The following PPME1 variants were observed in gnomAD, a reference collection of about 807,000 sequenced individuals.
PPME1 encodes protein phosphatase methylesterase 1.
PPME1 carries 17 observed loss-of-function variants against 56.9 expected under a neutral mutation model. That is an observed-to-expected ratio of 0.30 (90% CI 0.20 to 0.45). The LOEUF (loss-of-function observed/expected upper bound fraction) is 0.45, where lower values mean the gene tolerates loss of function less well. PPME1 is among the 20% of genes least tolerant of loss of function. The pLI is 1.00. For missense variants in PPME1, 357 were observed against 483.2 expected (o/e 0.74, Z 2.45); for synonymous variants, 122 against 156.2 (o/e 0.78, Z 1.63).
intron 1 of PPME1, among the ~76,000 whole-genome samples, chr11:74,182,300 T>C (rs1042927382): frequency 6.6e-6 from 1 of 152,212 alleles, no homozygotes; most frequent in African/African-American, 2.4e-5. Flanking sequence ...AACTGTCTAA[T>C]GGAAACTTAC....
chr11:74,253,287 G>A (rs1302143241), intron 13 of PPME1, among the ~76,000 whole-genome samples: 1 of 152,162 alleles, frequency 6.6e-6, no homozygotes, highest in Non-Finnish European at 1.5e-5. Context: ...TTTGGCTGGG[G>A]CCCTTCGACC....
chr11:74,192,692 C>T (rs561755971), intron 1 of PPME1, among the ~76,000 whole-genome samples: 1 of 152,064 alleles, frequency 6.6e-6, no homozygotes, highest in African/African-American at 2.4e-5. Context: ...TGAGTGAGTT[C>T]TTGCCCTGAG....
intron 1 of PPME1, among the ~76,000 whole-genome samples, chr11:74,186,049 C>T (rs533102272): frequency 6.6e-5 from 10 of 152,260 alleles, no homozygotes; most frequent in African/African-American, 2.2e-4. Flanking sequence ...TTTTTGGATT[C>T]CACGATGCTC....
chr11:74,244,755 T>A (rs781339554), intron 9 of PPME1, among the ~76,000 whole-genome samples: 2 of 152,194 alleles, frequency 1.3e-5, no homozygotes, highest in Non-Finnish European at 2.9e-5. Context: ...GTTCACTGCT[T>A]TTTGGTGTCA....
chr11:74,237,229 G>C (rs1335571372), intron 8 of PPME1, among the ~76,000 whole-genome samples: 2 of 151,324 alleles, frequency 1.3e-5, no homozygotes, highest in African/African-American at 2.4e-5. Context: ...ATACTTGATA[G>C]GTGATGTTGC....
chr11:74,247,184 T>A, intron 11 of PPME1, 61 bp downstream of exon 11: 1 of 1,437,320 alleles, frequency 7.0e-7, no homozygotes, highest in African/African-American at 1.4e-5. Context: ...ATAGGGCAGT[T>A]AACATCCTGA....
intron 9 of PPME1, among the ~76,000 whole-genome samples, chr11:74,243,787 T>C (rs1370884028): frequency 6.6e-6 from 1 of 150,810 alleles, no homozygotes; most frequent in African/African-American, 2.4e-5. Context: ...TTCTTTCTTT[T>C]TTTTTTTTTT....
intron 1 of PPME1, among the ~76,000 whole-genome samples, chr11:74,187,383 G>A (rs1857713600): frequency 6.6e-6 from 1 of 152,088 alleles, no homozygotes; most frequent in African/African-American, 2.4e-5. Flanking sequence ...AACACTGGAT[G>A]TCTTTCTTTT....
chr11:74,189,500 G>A (rs1857778867), intron 1 of PPME1, among the ~76,000 whole-genome samples: 1 of 152,080 alleles, frequency 6.6e-6, no homozygotes, highest in Non-Finnish European at 1.5e-5. Context: ...TGTTGCCTAG[G>A]CTGGTTTCAA....
intron 12 of PPME1, chr11:74,251,395 T>A (rs1859656218): frequency 1.5e-6 from 2 of 1,368,144 alleles, no homozygotes; most frequent in African/African-American, 1.5e-5. Context: ...CACCATTCTG[T>A]AACTCTGAGG....
At chr11:74,200,901 G>A (rs926537165) in intron 1 of PPME1, among the ~76,000 whole-genome samples, 8 of 151,984 alleles carry the variant, frequency 5.3e-5, no homozygotes, top group African/African-American at 1.9e-4. Context: ...GCCCAGGCTG[G>A]ATTAGAACTC....
At chr11:74,176,358 A>G (rs921160824) in intron 1 of PPME1, among the ~76,000 whole-genome samples, 1 of 152,216 alleles carries the variant, frequency 6.6e-6, no homozygotes, top group African/African-American at 2.4e-5. Flanking sequence ...CAGATGGGGA[A>G]ATAAAGGGCA....
chr11:74,224,870 T>A (rs573929595), intron 4 of PPME1, among the ~76,000 whole-genome samples: 5 of 150,398 alleles, frequency 3.3e-5, no homozygotes, highest in Non-Finnish European at 7.4e-5. Flanking sequence ...TTTCTAGATA[T>A]ACAATCATGT....
chr11:74,198,151 C>G (rs563419455), intron 1 of PPME1, among the ~76,000 whole-genome samples: 1 of 152,164 alleles, frequency 6.6e-6, no homozygotes, highest in East Asian at 1.9e-4. Context: ...ATTAATTTCT[C>G]TGTTCAAAAC....
chr11:74,194,607 T>C (rs934824598), intron 1 of PPME1, among the ~76,000 whole-genome samples: 4 of 151,520 alleles, frequency 2.6e-5, no homozygotes, highest in Non-Finnish European at 5.9e-5. Flanking sequence ...TGTATAAATA[T>C]AACATCTATT....
intron 1 of PPME1, among the ~76,000 whole-genome samples, chr11:74,195,034 T>C (rs1384528623): frequency 5.9e-5 from 9 of 152,218 alleles, no homozygotes; most frequent in Non-Finnish European, 1.0e-4. Context: ...ACCTGGTAGA[T>C]TATTTAATGT....
chr11:74,181,193 T>C (rs111306403), intron 1 of PPME1, among the ~76,000 whole-genome samples: 17,795 of 151,450 alleles, frequency 0.12, 2,808 homozygotes, highest in African/African-American at 0.37. Context: ...TACAGGCGCC[T>C]GCCACCGCGC....
At chr11:74,178,071 C>G (rs1396865020) in intron 1 of PPME1, among the ~76,000 whole-genome samples, 1 of 152,118 alleles carries the variant, frequency 6.6e-6, no homozygotes, top group Admixed American at 6.6e-5. Context: ...ATAGGATGTT[C>G]CAGGGTTCAT....
At chr11:74,225,110 T>G in intron 4 of PPME1, 95 bp from the exon 5 acceptor site, 1 of 799,572 alleles carries the variant, frequency 1.3e-6, no homozygotes, top group South Asian at 1.9e-5. Flanking sequence ...AAGTCCCTAA[T>G]CCATTGTCCA....
Sources: gnomAD v4.1 joint callset for allele counts (sites outside exome capture counted in the v4.1 genomes callset) on GRCh38, gnomAD v4.1.1 for gene constraint, MANE v1.5 for transcripts, NCBI Gene and HGNC (gene_info 2026-07-23, HGNC 2026-07-21) for gene names.